The following FAM78B variants were observed in gnomAD, a reference collection of about 807,000 sequenced individuals.
FAM78B encodes family with sequence similarity 78 member B.
In FAM78B, 10 loss-of-function variants were observed where a neutral mutation model predicts 20.0. The observed-to-expected ratio is 0.50, with a 90% CI of 0.31 to 0.85. The LOEUF (loss-of-function observed/expected upper bound fraction) is 0.85, where lower values mean the gene tolerates loss of function less well. Among genes scored for constraint, FAM78B ranks in the 40% least tolerant of loss-of-function variants. FAM78B has a pLI of 0.05. For missense variants in FAM78B, 283 were observed against 345.0 expected, an observed-to-expected ratio of 0.82 and a Z score of 1.42; for synonymous variants, 135 against 132.8, an observed-to-expected ratio of 1.02 and a Z score of -0.12.
intron 1 of FAM78B, among the ~76,000 whole-genome samples, chr1:166,085,358 C>T (rs1472180622): frequency 1.3e-5 from 2 of 152,180 alleles, no homozygotes; most frequent in Non-Finnish European, 2.9e-5. Context: ...CCCTTCCCAT[C>T]TGGACCTAAA....
chr1:166,136,075 G>A (rs949369821), intron 1 of FAM78B, among the ~76,000 whole-genome samples: 1 of 152,044 alleles, frequency 6.6e-6, no homozygotes, highest in African/African-American at 2.4e-5. Flanking sequence ...TTTTAAAGGG[G>A]ACTTGTCACT....
intron 1 of FAM78B, among the ~76,000 whole-genome samples, chr1:166,161,885 T>C (rs1379506006): frequency 2.6e-5 from 4 of 152,330 alleles, no homozygotes; most frequent in Admixed American, 6.5e-5. Flanking sequence ...CATGTCATCA[T>C]TGTGCGAAGA....
chr1:166,157,536 C>G (rs751103971), intron 1 of FAM78B, among the ~76,000 whole-genome samples: 1 of 152,002 alleles, frequency 6.6e-6, no homozygotes, highest in Non-Finnish European at 1.5e-5. Flanking sequence ...TACCCCAGAA[C>G]CTAATGAGGG....
intron 1 of FAM78B, among the ~76,000 whole-genome samples, chr1:166,130,649 C>T (rs770030651): frequency 1.2e-4 from 19 of 152,106 alleles, no homozygotes; most frequent in Non-Finnish European, 2.5e-4. Flanking sequence ...GCCAAAATGT[C>T]AATAGTACTG....
At chr1:166,156,051 T>G (rs1200022724) in intron 1 of FAM78B, among the ~76,000 whole-genome samples, 1 of 152,204 alleles carries the variant, frequency 6.6e-6, no homozygotes, top group Non-Finnish European at 1.5e-5. Context: ...CCGCTTCCCA[T>G]TAGCCAGGCC....
At chr1:166,158,080 A>C (rs34457297) in intron 1 of FAM78B, among the ~76,000 whole-genome samples, 1 of 152,190 alleles carries the variant, frequency 6.6e-6, no homozygotes, top group Admixed American at 6.5e-5. Flanking sequence ...ATCAGAGAAA[A>C]CCAATAAAGC....
rs573233197 is a variant in FAM78B, at chr1:166,084,293, C to T, written c.264-13530G>A. On this transcript the variant is annotated intron_variant, in intron 1 of 1. Transcript: ENST00000354422. ...CTCTCTCTCTCTTTGCATATAATTT[C>T]ATCTGGTGAGGGTCTCAAGTCTAAA... Among the ~76,000 whole-genome samples the T allele has an allele frequency of 1.4e-4, 21 of 146,652 alleles. 1 individual carries two copies. The South Asian group carries it at 4.1e-3, about 29-fold the overall frequency.
At chr1:166,129,021 G>A (rs545517635) in intron 1 of FAM78B, among the ~76,000 whole-genome samples, 2 of 152,262 alleles carry the variant, frequency 1.3e-5, no homozygotes, top group African/African-American at 4.8e-5. Context: ...CTGCTGGGGG[G>A]CCAAGATGCG....
At chr1:166,136,890 G>A (rs1368602258) in intron 1 of FAM78B, among the ~76,000 whole-genome samples, 3 of 152,174 alleles carry the variant, frequency 2.0e-5, no homozygotes, top group Non-Finnish European at 2.9e-5. Context: ...ATAATGCCTG[G>A]CACACAGTTG....
intron 1 of FAM78B, among the ~76,000 whole-genome samples, chr1:166,073,455 A>AGAT (rs1197536110): frequency 6.6e-6 from 1 of 152,140 alleles, no homozygotes; most frequent in Non-Finnish European, 1.5e-5. Context: ...TATGAAAAAT[A>AGAT]GATACTAATG....
chr1:166,114,251 T>G (rs6426968), intron 1 of FAM78B, among the ~76,000 whole-genome samples: 101,873 of 152,060 alleles, frequency 0.67, 34,467 homozygotes, highest in Non-Finnish European at 0.73. Context: ...CAGAACATAG[T>G]CTAATGCCCA....
chr1:166,072,473 C>G (rs1303317637), intron 1 of FAM78B, among the ~76,000 whole-genome samples: 1 of 152,178 alleles, frequency 6.6e-6, no homozygotes, highest in Non-Finnish European at 1.5e-5. Flanking sequence ...GCTTTTGCAG[C>G]TGGGGGGTAG....
At chr1:166,143,226 G>A (rs2101790817) in intron 1 of FAM78B, among the ~76,000 whole-genome samples, 1 of 152,276 alleles carries the variant, frequency 6.6e-6, no homozygotes, top group African/African-American at 2.4e-5. Context: ...CAGTGGCAGG[G>A]AAGAGGCCTA....
intron 1 of FAM78B, among the ~76,000 whole-genome samples, chr1:166,130,896 G>T (rs1040862043): frequency 6.6e-6 from 1 of 151,634 alleles, no homozygotes; most frequent in Non-Finnish European, 1.5e-5. Flanking sequence ...AACAAAGAAT[G>T]CTGTCATTAC....
intron 1 of FAM78B, among the ~76,000 whole-genome samples, chr1:166,104,933 C>T (rs1653706896): frequency 6.6e-6 from 1 of 152,234 alleles, no homozygotes; most frequent in South Asian, 2.1e-4. Flanking sequence ...CTGGAGGCAT[C>T]ATGCTACCTG....
At chr1:166,112,511 C>T (rs1654093600) in intron 1 of FAM78B, among the ~76,000 whole-genome samples, 1 of 152,166 alleles carries the variant, frequency 6.6e-6, no homozygotes, top group African/African-American at 2.4e-5. Flanking sequence ...GGGTCGGCCT[C>T]AGGGAAGGCC....
chr1:166,099,896 G>A (rs1167634323), intron 1 of FAM78B, among the ~76,000 whole-genome samples: 1 of 152,108 alleles, frequency 6.6e-6, no homozygotes, highest in East Asian at 1.9e-4. Context: ...AAGAAACAAT[G>A]GATTTAAACT....
intron 1 of FAM78B, among the ~76,000 whole-genome samples, chr1:166,096,299 GGTCACTGGTCA>G (rs1653273361): frequency 6.6e-6 from 1 of 152,308 alleles, no homozygotes; most frequent in South Asian, 2.1e-4. Flanking sequence ...AGGGCAGGCT[GGTCACTGGTCA>G]GCACATGGCC....
chr1:166,075,241 C>T (rs1652219334), intron 1 of FAM78B, among the ~76,000 whole-genome samples: 1 of 152,144 alleles, frequency 6.6e-6, no homozygotes, highest in African/African-American at 2.4e-5. Flanking sequence ...GCTTCTGCAA[C>T]ACTGCAGGTG....
Sources: allele counts gnomAD v4.1 joint callset (sites outside exome capture counted in the v4.1 genomes callset), GRCh38; gene constraint gnomAD v4.1.1; transcripts MANE v1.5; gene names NCBI Gene and HGNC (gene_info 2026-07-23, HGNC 2026-07-21).